GSDMB: variants seen among roughly 807,000 people sequenced by gnomAD.
GSDMB encodes the protein gasdermin B.
Under a neutral mutation model 42.9 loss-of-function variants are expected in GSDMB, and 32 were observed. The observed-to-expected ratio is 0.75, with a 90% CI of 0.56 to 1.00. GSDMB has a LOEUF of 1.00. Among genes scored for constraint, GSDMB ranks in the 50% least tolerant of loss-of-function variants. The pLI, the probability that GSDMB is intolerant of heterozygous loss-of-function variation, is 0.00. For synonymous variants in GSDMB, 175 were observed against 193.7 expected, an observed-to-expected ratio of 0.90 and a Z score of 0.80; for missense variants, 468 against 498.5, an observed-to-expected ratio of 0.94 and a Z score of 0.58.
Position 39,905,856 on chromosome 17 carries a change from C to T in GSDMB, c.1018G>A (p.Ala340Thr). 6.2e-7 allele frequency: 1 copy of T among 1,613,838 alleles called. No individual in the cohort carries two copies. Among genetic ancestry groups the T allele is most frequent in the East Asian group, 2.2e-5 (1 of 44,882 alleles). Residue 340 changes from alanine to threonine, a missense_variant, in exon 9 of 11, where the codon GCC becomes ACC. Physicochemically the swap from Ala to Thr is moderately conservative, Grantham distance 58. Transcript: ENST00000418519. ...RAKAILDFLD[A>T]LLELSEEQQF... ...CGAGACCCTTCCTCACCTAGCAGGG[C>T]ATCCAGGAAGTCCAGAATGGCTTTT... is the stretch of plus-strand genomic sequence containing the variant.
chr17:39,917,733 C>T (rs1041056337), intron 1 of GSDMB: 1 of 205,932 alleles, frequency 4.9e-6, no homozygotes, highest in Non-Finnish European at 1.0e-5. Context: ...CCTTTGCTGA[C>T]CCCTTTTTTG....
Position 39,917,308 on chromosome 17 carries a change from G to T in GSDMB, c.9C>A (p.Ser3Arg). Reference protein sequence around the residue: MFSVFEEITRIVV... With the variant: MFRVFEEITRIVV... ...CAATTCTTGTGATTTCCTCAAATAC[G>T]CTGAACATTGCGCCTGGACCAACTC... Residue 3 changes from serine to arginine, a missense_variant, in exon 2 of 11, where the codon AGC becomes AGA. By Grantham distance (110) the Ser-to-Arg change is moderately radical (BLOSUM62 -1). Transcript: ENST00000418519. 6.2e-7 allele frequency: 1 copy of T among 1,604,514 alleles called. No individual in the cohort carries two copies. Among genetic ancestry groups the T allele is most frequent in the Middle Eastern group, 1.7e-4 (1 of 6,036 alleles).
At chr17:39,909,313 C>T in intron 4 of GSDMB, 1 of 458,758 alleles carries the variant, frequency 2.2e-6, no homozygotes, top group South Asian at 3.0e-5. Flanking sequence ...TTCTAGGCAC[C>T]ATGGCTCCTG....
Position 39,905,902 on chromosome 17 carries a change from C to T in GSDMB, c.972G>A (p.Gly324=), listed in dbSNP as rs764528555. The change falls in exon 9 of 11, where the codon GGG becomes GGA. Residue 324 remains glycine (G), a synonymous_variant. Coordinates refer to ENST00000418519, the MANE Select transcript of GSDMB (RefSeq NM_001165958.2). ...CTTTTGCACGCGCTTCTACCAAGAC[C>T]CCAGCAGCATTAAAAAGGCTGCTTA... ...PLLSSLFNAA[G]VLVEARAKAI... 22 of 1,614,128 alleles carry T rather than the reference C, an allele frequency of 1.4e-5. No individual in the cohort carries two copies. In the South Asian group the frequency reaches 2.0e-4, roughly 15 times the overall value.
At position 39,909,018 on chromosome 17, in the gene GSDMB, G is replaced by C. The variant is rs2063558269; in HGVS notation, c.601C>G (p.Pro201Ala). Residue 201 changes from proline (P) to alanine (A), a missense_variant, in exon 5 of 11, where the codon CCA becomes GCA. By Grantham distance (27) the Pro-to-Ala change is conservative (BLOSUM62 -1). Coordinates refer to ENST00000418519, the MANE Select transcript of GSDMB (RefSeq NM_001165958.2). Reference sequence around the variant, plus strand: ...ACTCGATAGCTCAGGACCCGATTTGGGGGGATGGTCACTTCCCTTTGGCCC... The same window carrying C: ...ACTCGATAGCTCAGGACCCGATTTGCGGGGATGGTCACTTCCCTTTGGCCC... ...HKGQREVTIP[P>A]NRVLSYRVKQ... 6.2e-7 allele frequency: 1 copy of C among 1,601,668 alleles called. No individual in the cohort carries two copies. Among genetic ancestry groups the C allele is most frequent in the African/African-American group, 1.3e-5 (1 of 74,200 alleles).
chr17:39,912,316 C>T lies in GSDMB; in HGVS notation c.407+10G>A, dbSNP rs1466541099. On this transcript the variant is annotated intron_variant, in intron 3 of 10. Transcript: ENST00000418519. ...TCCCCTCCTTCCCTGCTGCCCAACT[C>T]CAACCTCACCTGTTTTCAAGGGTAG... is the stretch of plus-strand genomic sequence containing the variant. The T allele has an allele frequency of 5.0e-6, 8 of 1,610,986 alleles. No homozygotes were observed. The African/African-American group carries it at 1.1e-4, about 22-fold the overall frequency.
intron 2 of GSDMB, among the ~76,000 whole-genome samples, chr17:39,914,008 T>C (rs546239819): frequency 6.6e-6 from 1 of 151,906 alleles, no homozygotes. Flanking sequence ...TCTTGAGCAG[T>C]GTAAAAGAAA....
intron 5 of GSDMB, 105 bp from the exon 6 acceptor site, chr17:39,908,319 CCAAT>C: frequency 1.7e-5 from 6 of 345,484 alleles, no homozygotes; most frequent in Non-Finnish European, 1.9e-5. Context: ...ATACCAGCCT[CCAAT>C]CAAAAAAAAA....
At chr17:39,910,300 G>C (rs970580762) in intron 3 of GSDMB, among the ~76,000 whole-genome samples, 2 of 152,048 alleles carry the variant, frequency 1.3e-5, no homozygotes, top group Non-Finnish European at 2.9e-5. Flanking sequence ...CTCCAGCCTG[G>C]GCAACAGAGC....
At chr17:39,911,730 G>A (rs924214554) in intron 3 of GSDMB, among the ~76,000 whole-genome samples, 1 of 152,158 alleles carries the variant, frequency 6.6e-6, no homozygotes, top group African/African-American at 2.4e-5. Flanking sequence ...CAGTCCAGTG[G>A]GAAAGACGAA....
intron 10 of GSDMB, 82 bp downstream of exon 10, chr17:39,905,344 G>T: frequency 1.1e-6 from 1 of 936,340 alleles, no homozygotes; most frequent in Non-Finnish European, 1.7e-6. Flanking sequence ...AGAAGGGGCT[G>T]TACCCTGGGA....
rs532347696 is a variant in GSDMB at position 39,908,211 on chromosome 17, A to G, written c.665T>C (p.Ile222Thr). 235 of 1,522,316 alleles carry G rather than the reference A, an allele frequency of 1.5e-4. 2 individuals carry two copies. In the South Asian group the frequency reaches 2.6e-3, roughly 17 times the overall value. The allele number at this position is 1,522,316 out of a possible 1,614,324, so 94.3% of individuals were successfully genotyped here. A position where few individuals can be genotyped will look rare whatever the true frequency, so the allele number is the denominator to read the frequency against. ...LVFPNKETMN[I>T]HFRGKTKSFP... Reference sequence around the variant, plus strand: ...GGATTTTGTTTTGCCCCTGAAATGAATATCTAAACCAGCACCAAAAAGGGA... The same window carrying G: ...GGATTTTGTTTTGCCCCTGAAATGAGTATCTAAACCAGCACCAAAAAGGGA... The change falls in exon 6 of 11, where the codon ATT (isoleucine) becomes ACT (threonine). Residue 222 changes from isoleucine (I) to threonine (T), a missense_variant. Coordinates refer to ENST00000418519, the MANE Select transcript of GSDMB (RefSeq NM_001165958.2).
In GSDMB at chr17:39,904,605, C is replaced by T. The variant is rs1356658834; in HGVS notation, c.*207G>A. The T allele has an allele frequency of 4.1e-6, 2 of 490,286 alleles. No homozygotes were observed. The highest frequency in any genetic ancestry group is 2.0e-5 in the African/African-American group (1 of 50,996). The allele number at this position is 490,286 out of a possible 1,614,324, so 30.4% of individuals were successfully genotyped here. A position where few individuals can be genotyped will look rare whatever the true frequency, so the allele number is the denominator to read the frequency against. ...CTTCAAAAGACAAAATTAACATGCA[C>T]AACCTGCCACTTTTAATCAGAAGTC... On this transcript the variant is annotated 3_prime_UTR_variant, in exon 11 of 11. Coordinates refer to ENST00000418519, the MANE Select transcript of GSDMB (RefSeq NM_001165958.2).
Position 39,906,561 on chromosome 17 carries a change from C to T in GSDMB, c.728-290G>A, listed in dbSNP as rs145200355. 152 of 1,351,760 alleles carry T rather than the reference C, an allele frequency of 1.1e-4. 2 individuals carry two copies. In the African/African-American group the frequency reaches 1.8e-3, roughly 16 times the overall value. The allele number at this position is 1,351,760 out of a possible 1,614,324, so 83.7% of individuals were successfully genotyped here. On this transcript the variant is annotated intron_variant, in intron 7 of 10. Transcript: ENST00000418519. ...AAAAACTTGGTTATTTGGCCCTTGC[C>T]ATTCAAAGTGCAGTCCTCAGGCCAC...
At chr17:39,908,300 T>G in intron 5 of GSDMB, 86 bp from the exon 6 acceptor site, 1 of 528,374 alleles carries the variant, frequency 1.9e-6, no homozygotes, top group Non-Finnish European at 3.5e-6. Flanking sequence ...CCAGTCCCTC[T>G]CAATCCCTAT....
intron 3 of GSDMB, among the ~76,000 whole-genome samples, chr17:39,911,052 A>G (rs1412820285): frequency 1.3e-5 from 2 of 152,198 alleles, no homozygotes; most frequent in Non-Finnish European, 2.9e-5. Flanking sequence ...CTGTAATCCC[A>G]GCACTTTGGG....
intron 4 of GSDMB, 112 bp from the exon 5 acceptor site, chr17:39,909,154 G>A (rs1047212612): frequency 1.1e-5 from 7 of 654,606 alleles, no homozygotes; most frequent in Admixed American, 3.0e-5. Context: ...TTTTATAGAC[G>A]AGAAAACTGA....
chr17:39,905,841 C>T lies in GSDMB; in HGVS notation c.1027+6G>A. Reference sequence around the variant, plus strand: ...CACCCCAGCCTACAGCGAGACCCTTCCTCACCTAGCAGGGCATCCAGGAAG... The same window carrying T: ...CACCCCAGCCTACAGCGAGACCCTTTCTCACCTAGCAGGGCATCCAGGAAG... On this transcript the variant is annotated splice_donor_region_variant and intron_variant, in intron 9 of 10. Transcript: ENST00000418519. 1 of 1,613,406 alleles carries T rather than the reference C, an allele frequency of 6.2e-7. No individual in the cohort carries two copies. Among genetic ancestry groups the T allele is most frequent in the Non-Finnish European group, 8.5e-7 (1 of 1,179,760 alleles).
chr17:39,904,796 G>A lies in GSDMB; in HGVS notation c.*16C>T. The A allele has an allele frequency of 6.2e-7, 1 of 1,612,304 alleles. No homozygotes were observed. ...GGGAAAACCCAGAGGCTTGTGGGGA[G>A]AAAGGGCTTTTGTAGTTAGGAAGAG... On this transcript the variant is annotated 3_prime_UTR_variant, in exon 11 of 11. Coordinates refer to ENST00000418519, the MANE Select transcript of GSDMB (RefSeq NM_001165958.2).
Sources: gnomAD v4.1 joint callset for allele counts (sites outside exome capture counted in the v4.1 genomes callset) on GRCh38, gnomAD v4.1.1 for gene constraint, MANE v1.5 for transcripts, NCBI Gene and HGNC (gene_info 2026-07-23, HGNC 2026-07-21) for gene names.